LRRTM4: variants seen among roughly 807,000 people sequenced by gnomAD.
LRRTM4 encodes leucine-rich repeat transmembrane neuronal protein 4.
Under a neutral mutation model 47.6 loss-of-function variants are expected in LRRTM4, and 25 were observed. The ratio of observed to expected loss-of-function variants is 0.53; its 90% CI spans 0.38 to 0.73. The LOEUF (loss-of-function observed/expected upper bound fraction) is 0.73. LRRTM4 is among the 30% of genes least tolerant of loss of function. The pLI, the probability that LRRTM4 is intolerant of heterozygous loss-of-function variation, is 0.00. For synonymous variants in LRRTM4, 311 were observed against 269.5 expected, an observed-to-expected ratio of 1.15 and a Z score of -1.51; for missense variants, 638 against 713.4, an observed-to-expected ratio of 0.89 and a Z score of 1.20.
intron 3 of LRRTM4, among the ~76,000 whole-genome samples, chr2:77,088,623 A>C (rs537689012): frequency 1.3e-5 from 2 of 152,260 alleles, no homozygotes; most frequent in East Asian, 1.9e-4. Context: ...ATAAACAGCC[A>C]TGTTGCTCAC....
chr2:77,296,223 C>T (rs1326947074), intron 3 of LRRTM4, among the ~76,000 whole-genome samples: 1 of 152,160 alleles, frequency 6.6e-6, no homozygotes, highest in Non-Finnish European at 1.5e-5. Flanking sequence ...TTTTCCCCAA[C>T]ACTAAATATA....
chr2:77,054,659 C>A (rs1447786708), intron 3 of LRRTM4, among the ~76,000 whole-genome samples: 1 of 152,160 alleles, frequency 6.6e-6, no homozygotes, highest in African/African-American at 2.4e-5. Flanking sequence ...TGGCCTTTGG[C>A]TTAATGACTC....
intron 3 of LRRTM4, among the ~76,000 whole-genome samples, chr2:76,944,723 T>C (rs1040354853): frequency 1.3e-5 from 2 of 152,060 alleles, no homozygotes; most frequent in Non-Finnish European, 2.9e-5. Context: ...ATTAGGATTG[T>C]AGGGAAATTC....
intron 3 of LRRTM4, among the ~76,000 whole-genome samples, chr2:77,170,542 T>C (rs887184328): frequency 2.6e-5 from 4 of 152,158 alleles, no homozygotes; most frequent in Non-Finnish European, 5.9e-5. Flanking sequence ...AGATAATAAA[T>C]ATGTGTTGTA....
intron 3 of LRRTM4, among the ~76,000 whole-genome samples, chr2:77,283,770 A>G (rs1270612596): frequency 6.6e-6 from 1 of 152,030 alleles, no homozygotes. Context: ...GAACCTAAAC[A>G]TTAGATACTC....
chr2:77,134,426 T>TA (rs1226303626), intron 3 of LRRTM4, among the ~76,000 whole-genome samples: 6 of 152,198 alleles, frequency 3.9e-5, no homozygotes, highest in Non-Finnish European at 7.4e-5. Flanking sequence ...AAATTGTTTT[T>TA]ATTAACTTTA....
At chr2:76,956,368 G>A (rs181443197) in intron 3 of LRRTM4, among the ~76,000 whole-genome samples, 4 of 151,408 alleles carry the variant, frequency 2.6e-5, no homozygotes, top group African/African-American at 9.7e-5. Flanking sequence ...GAAAGGTAAG[G>A]GGAACAATTT....
intron 3 of LRRTM4, among the ~76,000 whole-genome samples, chr2:77,113,688 T>C (rs1311294451): frequency 6.6e-6 from 1 of 151,966 alleles, no homozygotes; most frequent in Non-Finnish European, 1.5e-5. Flanking sequence ...ATTACTGGTA[T>C]CCATGTGTGA....
intron 3 of LRRTM4, among the ~76,000 whole-genome samples, chr2:76,781,995 T>C (rs1674421382): frequency 6.6e-6 from 1 of 152,176 alleles, no homozygotes; most frequent in South Asian, 2.1e-4. Context: ...TGTCAAACCA[T>C]CCTTTGCTGA....
At chr2:76,921,620 T>C (rs553594231) in intron 3 of LRRTM4, among the ~76,000 whole-genome samples, 1 of 152,252 alleles carries the variant, frequency 6.6e-6, no homozygotes, top group South Asian at 2.1e-4. Flanking sequence ...TCCCATCTTT[T>C]TATACCATTA....
At chr2:77,034,521 T>C (rs1000584280) in intron 3 of LRRTM4, among the ~76,000 whole-genome samples, 3 of 151,984 alleles carry the variant, frequency 2.0e-5, no homozygotes, top group African/African-American at 7.2e-5. Flanking sequence ...CCGTCTTCTA[T>C]TTTCTTACTA....
intron 3 of LRRTM4, among the ~76,000 whole-genome samples, chr2:77,273,556 G>A (rs1397247447): frequency 6.6e-6 from 1 of 152,088 alleles, no homozygotes; most frequent in Non-Finnish European, 1.5e-5. Context: ...TATTATTTAG[G>A]AAACCTATAA....
At chr2:77,224,196 T>C (rs1475526618) in intron 3 of LRRTM4, among the ~76,000 whole-genome samples, 8 of 151,694 alleles carry the variant, frequency 5.3e-5, no homozygotes, top group African/African-American at 1.9e-4. Context: ...TTACACCTTA[T>C]ACAAAAATTA....
chr2:76,998,273 A>G (rs1186225836), intron 3 of LRRTM4, among the ~76,000 whole-genome samples: 1 of 152,024 alleles, frequency 6.6e-6, no homozygotes, highest in Admixed American at 6.6e-5. Context: ...CAGCTTATTC[A>G]GTTTAATCCT....
At chr2:77,452,250 C>T (rs1216690671) in intron 3 of LRRTM4, among the ~76,000 whole-genome samples, 1 of 152,174 alleles carries the variant, frequency 6.6e-6, no homozygotes, top group Non-Finnish European at 1.5e-5. Context: ...TTGCAGTGGA[C>T]TACGCAGCAT....
chr2:77,154,886 ACT>A (rs2103793229), intron 3 of LRRTM4, among the ~76,000 whole-genome samples: 1 of 152,156 alleles, frequency 6.6e-6, no homozygotes, highest in Non-Finnish European at 1.5e-5. Flanking sequence ...AAGCACTCTA[ACT>A]CTGTTTCTGA....
chr2:77,314,124 A>G (rs1313982665), intron 3 of LRRTM4, among the ~76,000 whole-genome samples: 1 of 152,176 alleles, frequency 6.6e-6, no homozygotes, highest in Non-Finnish European at 1.5e-5. Context: ...CATATTTTAG[A>G]TCAAGCTTGT....
Position 77,293,355 on chromosome 2 carries a change from G to A in LRRTM4, c.1551+224963C>T, listed in dbSNP as rs1248923387. ...ATTCATTAGACACAGCATGTTTCAA[G>A]CAGTTATCAAGACAGGGCTCAACCC... On this transcript the variant is annotated intron_variant, in intron 3 of 3. Coordinates refer to ENST00000409884, the MANE Select transcript of LRRTM4 (RefSeq NM_001134745.3). Among the ~76,000 whole-genome samples, 3 of 152,128 alleles carry A rather than the reference G, an allele frequency of 2.0e-5. No homozygotes were observed. The East Asian group carries it at 5.8e-4, about 29-fold the overall frequency.
chr2:77,300,828 T>C (rs1388515339), intron 3 of LRRTM4, among the ~76,000 whole-genome samples: 5 of 152,158 alleles, frequency 3.3e-5, no homozygotes, highest in African/African-American at 1.2e-4. Flanking sequence ...TTAATATATG[T>C]TACTCTGTGC....
Sources: allele counts gnomAD v4.1 joint callset (sites outside exome capture counted in the v4.1 genomes callset), GRCh38; gene constraint gnomAD v4.1.1; transcripts MANE v1.5; gene names NCBI Gene and HGNC (gene_info 2026-07-23, HGNC 2026-07-21).